Variants in PTPRT observed in about 807,000 individuals in gnomAD.
PTPRT encodes the protein receptor-type tyrosine-protein phosphatase T.
Under a neutral mutation model 176.8 loss-of-function variants are expected in PTPRT, and 56 were observed. The observed-to-expected ratio is 0.32, with a 90% CI of 0.26 to 0.40. The LOEUF (loss-of-function observed/expected upper bound fraction) is 0.40, where lower values mean the gene tolerates loss of function less well. Among genes scored for constraint, PTPRT ranks in the 10% least tolerant of loss-of-function variants. The pLI is 1.00. For synonymous variants in PTPRT, 783 were observed against 739.0 expected, an observed-to-expected ratio of 1.06 and a Z score of -0.96; for missense variants, 1,540 against 1,908.2, an observed-to-expected ratio of 0.81 and a Z score of 3.60.
chr20:43,061,160 T>C (rs2146252882), intron 1 of PTPRT, among the ~76,000 whole-genome samples: 1 of 152,146 alleles, frequency 6.6e-6, no homozygotes, highest in South Asian at 2.1e-4. Context: ...AGGCTCACAA[T>C]AAGCATTCCA....
chr20:43,026,263 G>A (rs1985907565), intron 1 of PTPRT, among the ~76,000 whole-genome samples: 1 of 151,968 alleles, frequency 6.6e-6, no homozygotes. Flanking sequence ...GATTACAGAT[G>A]CGCACCACCA....
At chr20:42,633,247 A>T (rs2074453303) in intron 7 of PTPRT, among the ~76,000 whole-genome samples, 1 of 152,158 alleles carries the variant, frequency 6.6e-6, no homozygotes. Flanking sequence ...TTAACACCAG[A>T]GAGCAGAAGT....
chr20:42,896,354 G>A (rs978840028), intron 1 of PTPRT, among the ~76,000 whole-genome samples: 1 of 152,152 alleles, frequency 6.6e-6, no homozygotes, highest in South Asian at 2.1e-4. Flanking sequence ...AATCAAGATG[G>A]TGCCAGGCGC....
chr20:42,979,606 G>A (rs935805037), intron 1 of PTPRT, among the ~76,000 whole-genome samples: 12 of 152,144 alleles, frequency 7.9e-5, no homozygotes, highest in African/African-American at 2.9e-4. Flanking sequence ...CTATCTGAGA[G>A]GACACATTCA....
intron 22 of PTPRT, among the ~76,000 whole-genome samples, chr20:42,112,247 C>T (rs1221885678): frequency 6.6e-6 from 1 of 152,158 alleles, no homozygotes; most frequent in Non-Finnish European, 1.5e-5. Flanking sequence ...CCACTCAGAT[C>T]CCCATCACTG....
intron 4 of PTPRT, among the ~76,000 whole-genome samples, chr20:42,776,902 T>G (rs1389046227): frequency 3.3e-5 from 5 of 151,162 alleles, no homozygotes; most frequent in African/African-American, 1.2e-4. Flanking sequence ...ATATAATTAC[T>G]TTATTTGTTT....
At chr20:42,116,777 A>G (rs576403619) in intron 21 of PTPRT, among the ~76,000 whole-genome samples, 1 of 152,344 alleles carries the variant, frequency 6.6e-6, no homozygotes, top group Non-Finnish European at 1.5e-5. Context: ...GTAATGCACA[A>G]TAAGCACCTG....
intron 1 of PTPRT, among the ~76,000 whole-genome samples, chr20:42,981,923 G>T (rs780664165): frequency 5.4e-4 from 82 of 152,098 alleles, no homozygotes; most frequent in Non-Finnish European, 1.1e-3. Flanking sequence ...ATCAGAAATG[G>T]CAATGGTCTC....
intron 2 of PTPRT, among the ~76,000 whole-genome samples, chr20:42,857,478 T>C (rs192984541): frequency 1.3e-5 from 2 of 152,364 alleles, no homozygotes; most frequent in African/African-American, 4.8e-5. Flanking sequence ...TTAACCTTTT[T>C]GCAAGCATCA....
chr20:42,824,234 A>G (rs2077951744), intron 2 of PTPRT, among the ~76,000 whole-genome samples: 1 of 152,182 alleles, frequency 6.6e-6, no homozygotes. Context: ...ATAAAACCCA[A>G]GAGGAGTTTT....
At chr20:42,398,343 A>G (rs2058871709) in intron 9 of PTPRT, among the ~76,000 whole-genome samples, 1 of 152,250 alleles carries the variant, frequency 6.6e-6, no homozygotes, top group Admixed American at 6.5e-5. Flanking sequence ...ATGTATTAAC[A>G]AAATAATCAT....
rs546307659 is a variant in PTPRT, at chr20:42,923,522, C to T, written c.89-37590G>A. Among the ~76,000 whole-genome samples, 31 of 152,334 alleles carry T rather than the reference C, an allele frequency of 2.0e-4. No individual in the cohort carries two copies. In the South Asian group the frequency reaches 4.8e-3, roughly 23 times the overall value. On this transcript the variant is annotated intron_variant, in intron 1 of 30. Coordinates refer to ENST00000373187, the MANE Select transcript of PTPRT (RefSeq NM_007050.6). ...GACAGATTGGCAGATAAAGCCCACG[C>T]GCCACTGTCTAAGTGACAACACACT... is the stretch of plus-strand genomic sequence containing the variant.
chr20:42,486,662 C>T (rs1394663524), intron 7 of PTPRT, among the ~76,000 whole-genome samples: 1 of 152,124 alleles, frequency 6.6e-6, no homozygotes, highest in Admixed American at 6.6e-5. Flanking sequence ...TTCTCAAGCT[C>T]ATACATCTGC....
intron 16 of PTPRT, among the ~76,000 whole-genome samples, chr20:42,186,918 T>C (rs1990805346): frequency 6.6e-6 from 1 of 151,888 alleles, no homozygotes; most frequent in African/African-American, 2.4e-5. Flanking sequence ...ATGTGGGAGG[T>C]GAGAGAGAGG....
In PTPRT at chr20:42,609,202, T is replaced by TG. The variant is rs537297048; in HGVS notation, c.1153+68663_1153+68664insC. ...GATTCTCCTGCCTCAGCCTCCTAAG[T>TG]AGCTGGTACTACAGACACACATGAC... is the stretch of plus-strand genomic sequence containing the variant. On this transcript the variant is annotated intron_variant, in intron 7 of 30. Coordinates refer to ENST00000373187, the MANE Select transcript of PTPRT (RefSeq NM_007050.6). Among the ~76,000 whole-genome samples, 54 of 152,190 alleles carry TG rather than the reference T, an allele frequency of 3.5e-4. 1 individual carries two copies. In the South Asian group the frequency reaches 7.7e-3, roughly 22 times the overall value.
intron 1 of PTPRT, among the ~76,000 whole-genome samples, chr20:43,097,316 C>G (rs2012212294): frequency 6.6e-6 from 1 of 152,174 alleles, no homozygotes; most frequent in Non-Finnish European, 1.5e-5. Flanking sequence ...TTTCCCCACT[C>G]AGAAAACGGG....
intron 2 of PTPRT, among the ~76,000 whole-genome samples, chr20:42,807,081 G>A (rs780767403): frequency 7.2e-5 from 11 of 152,186 alleles, no homozygotes; most frequent in Non-Finnish European, 1.6e-4. Flanking sequence ...AGCAGGATGT[G>A]AAAAGAAAGG....
intron 6 of PTPRT, among the ~76,000 whole-genome samples, chr20:42,725,839 A>G (rs2076370826): frequency 6.6e-6 from 1 of 151,868 alleles, no homozygotes; most frequent in Non-Finnish European, 1.5e-5. Context: ...ATTAATATAC[A>G]TCATTCTATT....
intron 9 of PTPRT, among the ~76,000 whole-genome samples, chr20:42,416,059 T>C (rs939317911): frequency 6.6e-6 from 1 of 152,198 alleles, no homozygotes; most frequent in African/African-American, 2.4e-5. Context: ...GGAATTGTGA[T>C]CTTATTTGGA....
Sources: gnomAD v4.1 joint callset for allele counts (sites outside exome capture counted in the v4.1 genomes callset) on GRCh38, gnomAD v4.1.1 for gene constraint, MANE v1.5 for transcripts, NCBI Gene and HGNC (gene_info 2026-07-23, HGNC 2026-07-21) for gene names.